The following ANKS1B variants were observed in gnomAD, a reference collection of about 807,000 sequenced individuals.
ANKS1B encodes the protein ankyrin repeat and sterile alpha motif domain containing 1B.
ANKS1B carries 36 observed loss-of-function variants against 148.3 expected under a neutral mutation model. The observed-to-expected ratio is 0.24, with a 90% CI of 0.19 to 0.32. ANKS1B has a LOEUF of 0.32. Among genes scored for constraint, ANKS1B ranks in the 10% least tolerant of loss-of-function variants. The pLI is 1.00. For synonymous variants in ANKS1B, 542 were observed against 560.8 expected, an observed-to-expected ratio of 0.97 and a Z score of 0.47; for missense variants, 1,157 against 1,542.6, an observed-to-expected ratio of 0.75 and a Z score of 4.19.
intron 10 of ANKS1B, among the ~76,000 whole-genome samples, chr12:99,469,853 C>T (rs1325527206): frequency 6.6e-6 from 1 of 152,014 alleles, no homozygotes. Flanking sequence ...GCCACAGTGA[C>T]TGACACCAAA....
At chr12:99,460,579 G>T (rs1322781659) in intron 10 of ANKS1B, among the ~76,000 whole-genome samples, 1 of 151,900 alleles carries the variant, frequency 6.6e-6, no homozygotes, top group Non-Finnish European at 1.5e-5. Context: ...ATCAAAAATT[G>T]AGTTAAGGAC....
chr12:99,313,869 G>A (rs1033139421), intron 12 of ANKS1B, among the ~76,000 whole-genome samples: 4 of 152,188 alleles, frequency 2.6e-5, no homozygotes, highest in African/African-American at 9.7e-5. Context: ...AGACAAGGAT[G>A]CCCTTTCTCA....
intron 17 of ANKS1B, among the ~76,000 whole-genome samples, chr12:98,872,197 T>C (rs905183304): frequency 1.3e-5 from 2 of 152,164 alleles, no homozygotes; most frequent in Admixed American, 1.3e-4. Context: ...GAAGCCCTAA[T>C]TCCCAATACC....
chr12:98,883,894 C>T lies in ANKS1B; in HGVS notation c.2779-51758G>A, dbSNP rs181558151. ...GTATTGGATCTAGAATCTGTTTTTT[C>T]GTTTCCAGAACAATGTTCTTTTCAC... On this transcript the variant is annotated intron_variant, in intron 17 of 26. Transcript: ENST00000683438. 4.6e-3 allele frequency among the ~76,000 whole-genome samples: 702 copies of T among 152,046 alleles called. 8 individuals carry two copies. The highest frequency in any genetic ancestry group is 0.017 in the African/African-American group (686 of 41,514).
chr12:99,942,211 A>G (rs953421754), intron 1 of ANKS1B, among the ~76,000 whole-genome samples: 1 of 152,170 alleles, frequency 6.6e-6, no homozygotes, highest in African/African-American at 2.4e-5. Context: ...GAGGAGAGCA[A>G]TCAGAGGCAA....
chr12:99,735,408 A>C (rs2153573608), intron 8 of ANKS1B, among the ~76,000 whole-genome samples: 1 of 152,312 alleles, frequency 6.6e-6, no homozygotes, highest in South Asian at 2.1e-4. Flanking sequence ...AATAAATAAA[A>C]TCAGAAATTA....
At chr12:99,691,668 T>C (rs1366494807) in intron 8 of ANKS1B, among the ~76,000 whole-genome samples, 2 of 152,176 alleles carry the variant, frequency 1.3e-5, no homozygotes, top group African/African-American at 4.8e-5. Flanking sequence ...TCAAAGCCAT[T>C]CAATAAGTCT....
At chr12:98,808,873 C>G (rs1195471480) in intron 19 of ANKS1B, among the ~76,000 whole-genome samples, 1 of 152,162 alleles carries the variant, frequency 6.6e-6, no homozygotes. Context: ...CTTTAGCATT[C>G]ACAAGCAGTC....
chr12:99,149,591 T>A (rs2074281132), intron 15 of ANKS1B, among the ~76,000 whole-genome samples: 1 of 152,136 alleles, frequency 6.6e-6, no homozygotes, highest in African/African-American at 2.4e-5. Context: ...AAAAAATGAG[T>A]TGGTAATAAT....
chr12:99,276,239 T>C (rs2077649908), intron 12 of ANKS1B, among the ~76,000 whole-genome samples: 1 of 152,184 alleles, frequency 6.6e-6, no homozygotes, highest in Non-Finnish European at 1.5e-5. Context: ...GTTTGGGACA[T>C]TAAATTTTGG....
At chr12:99,464,710 A>T (rs1446466676) in intron 10 of ANKS1B, among the ~76,000 whole-genome samples, 5 of 152,238 alleles carry the variant, frequency 3.3e-5, no homozygotes. Flanking sequence ...AGATGAAATG[A>T]ATGAAATGAA....
chr12:99,033,818 G>A (rs2099953830), intron 17 of ANKS1B, among the ~76,000 whole-genome samples: 1 of 152,176 alleles, frequency 6.6e-6, no homozygotes. Context: ...AAGGTCAGGA[G>A]CCTTTTAATT....
At chr12:99,090,434 C>G (rs972616795) in intron 15 of ANKS1B, among the ~76,000 whole-genome samples, 1 of 152,018 alleles carries the variant, frequency 6.6e-6, no homozygotes, top group Non-Finnish European at 1.5e-5. Flanking sequence ...TTCATCCAGT[C>G]CAAGACTAAA....
chr12:99,225,271 C>A (rs966683834), intron 14 of ANKS1B, among the ~76,000 whole-genome samples: 2 of 152,036 alleles, frequency 1.3e-5, no homozygotes, highest in Non-Finnish European at 1.5e-5. Context: ...TCTTTCTCTA[C>A]ACGCCTTGAT....
At chr12:98,927,140 A>C (rs973701529) in intron 17 of ANKS1B, among the ~76,000 whole-genome samples, 19 of 152,152 alleles carry the variant, frequency 1.2e-4, no homozygotes, top group Non-Finnish European at 2.4e-4. Flanking sequence ...TGACTCATTG[A>C]GTTCAAGGGA....
chr12:98,914,239 C>A (rs986271686), intron 17 of ANKS1B, among the ~76,000 whole-genome samples: 1 of 152,062 alleles, frequency 6.6e-6, no homozygotes, highest in Admixed American at 6.5e-5. Context: ...ATGTGACATG[C>A]TGGCTCCTTG....
At chr12:99,454,918 T>C (rs2095820239) in intron 10 of ANKS1B, among the ~76,000 whole-genome samples, 1 of 152,180 alleles carries the variant, frequency 6.6e-6, no homozygotes, top group Admixed American at 6.5e-5. Flanking sequence ...ATGCTTACTT[T>C]TATGGACTAA....
At chr12:99,738,662 T>G (rs2153577932) in intron 8 of ANKS1B, among the ~76,000 whole-genome samples, 1 of 152,294 alleles carries the variant, frequency 6.6e-6, no homozygotes, top group Middle Eastern at 3.4e-3. Context: ...TAACCAGTAC[T>G]ACAAAGAATA....
intron 9 of ANKS1B, among the ~76,000 whole-genome samples, chr12:99,596,300 A>G (rs2097758073): frequency 2.0e-5 from 3 of 151,760 alleles, no homozygotes; most frequent in Non-Finnish European, 4.4e-5. Context: ...GGTATCATCA[A>G]TCCTTGGTGT....
Sources: gnomAD v4.1 joint callset for allele counts (sites outside exome capture counted in the v4.1 genomes callset) on GRCh38, gnomAD v4.1.1 for gene constraint, MANE v1.5 for transcripts, NCBI Gene and HGNC (gene_info 2026-07-23, HGNC 2026-07-21) for gene names.